Variants in KCNH7 observed in about 807,000 individuals in gnomAD.
KCNH7 encodes potassium voltage-gated channel subfamily H member 7.
Under a neutral mutation model 120.8 loss-of-function variants are expected in KCNH7, and 49 were observed. The ratio of observed to expected loss-of-function variants is 0.41; its 90% CI spans 0.32 to 0.51. The LOEUF (loss-of-function observed/expected upper bound fraction) is 0.51, where lower values mean the gene tolerates loss of function less well. Among genes scored for constraint, KCNH7 ranks in the 20% least tolerant of loss-of-function variants. The pLI is 0.38. For synonymous variants in KCNH7, 547 were observed against 516.1 expected, an observed-to-expected ratio of 1.06 and a Z score of -0.81; for missense variants, 1,097 against 1,446.6, an observed-to-expected ratio of 0.76 and a Z score of 3.92.
chr2:162,605,094 C>G (rs1008119514), intron 2 of KCNH7, among the ~76,000 whole-genome samples: 1 of 151,990 alleles, frequency 6.6e-6, no homozygotes, highest in Non-Finnish European at 1.5e-5. Context: ...TCATTTTTCT[C>G]CCCACTGGAA....
chr2:162,795,974 A>G (rs1263882908), intron 2 of KCNH7: 1 of 152,110 alleles, frequency 6.6e-6, no homozygotes, highest in Non-Finnish European at 1.5e-5. Context: ...ATAAGATGTC[A>G]CCTTAAAATA....
intron 14 of KCNH7, 137 bp from the exon 15 acceptor site, chr2:162,373,799 G>C (rs1218962403): frequency 6.3e-6 from 3 of 476,188 alleles, no homozygotes; most frequent in African/African-American, 2.0e-5. Flanking sequence ...AGGGAGCACA[G>C]AGATTCTTTC....
chr2:162,447,799 C>T (rs186546012), intron 6 of KCNH7, among the ~76,000 whole-genome samples: 23 of 152,130 alleles, frequency 1.5e-4, no homozygotes, highest in African/African-American at 5.3e-4. Context: ...TTTATCCCCA[C>T]ATAATGAGTT....
At chr2:162,816,896 G>A (rs1332122308) in intron 2 of KCNH7, among the ~76,000 whole-genome samples, 2 of 151,994 alleles carry the variant, frequency 1.3e-5, no homozygotes, top group African/African-American at 4.8e-5. Flanking sequence ...CTGCTATAAT[G>A]AAAATTCAAC....
At chr2:162,779,180 T>A (rs1335357803) in intron 2 of KCNH7, among the ~76,000 whole-genome samples, 1 of 80,584 alleles carries the variant, frequency 1.2e-5, no homozygotes, top group Non-Finnish European at 2.3e-5. Flanking sequence ...CCAGTCTTAA[T>A]TTTTTTTGTT....
intron 2 of KCNH7, among the ~76,000 whole-genome samples, chr2:162,620,918 A>C (rs1467442373): frequency 6.6e-6 from 1 of 152,174 alleles, no homozygotes; most frequent in African/African-American, 2.4e-5. Context: ...CATTTGAGAA[A>C]CAGGAATTCT....
At chr2:162,427,431 G>A (rs1178530638) in intron 8 of KCNH7, among the ~76,000 whole-genome samples, 2 of 151,964 alleles carry the variant, frequency 1.3e-5, no homozygotes, top group East Asian at 3.9e-4. Context: ...TATCTCATTA[G>A]AGTTTTAATG....
At position 162,371,447 on chromosome 2, in the gene KCNH7, C is replaced by G; in HGVS notation, c.*382G>C. The G allele has an allele frequency of 7.8e-7, 1 of 1,274,412 alleles. No individual in the cohort carries two copies. Among genetic ancestry groups the G allele is most frequent in the Non-Finnish European group, 1.0e-6 (1 of 981,430 alleles). The allele number at this position is 1,274,412 out of a possible 1,614,324, so 78.9% of individuals were successfully genotyped here. A position where few individuals can be genotyped will look rare whatever the true frequency, so the allele number is the denominator to read the frequency against. On this transcript the variant is annotated 3_prime_UTR_variant, in exon 16 of 16. Transcript: ENST00000332142. Reference sequence around the variant, plus strand: ...TCTGAATTTGAGTTGCATCCATGAACAGTTTTATCCCTTGGTTTCTTATTT... The same window carrying G: ...TCTGAATTTGAGTTGCATCCATGAAGAGTTTTATCCCTTGGTTTCTTATTT...
intron 6 of KCNH7, among the ~76,000 whole-genome samples, chr2:162,483,218 A>G (rs1689986110): frequency 6.6e-6 from 1 of 152,202 alleles, no homozygotes; most frequent in African/African-American, 2.4e-5. Context: ...TATTAAAATA[A>G]TGCATAGAAA....
chr2:162,808,076 G>A (rs1684612508), intron 2 of KCNH7, among the ~76,000 whole-genome samples: 1 of 152,124 alleles, frequency 6.6e-6, no homozygotes, highest in Non-Finnish European at 1.5e-5. Context: ...AAAATCCATG[G>A]ATGCTCAAGT....
In KCNH7 at chr2:162,704,855, G is replaced by A. The variant is rs540596545; in HGVS notation, c.307+131682C>T. ...ATGTTTTTTCCCTGCCTTCTTAATC[G>A]GAAGTAGTTTGAGATAAGGAAGAAG... is the stretch of plus-strand genomic sequence containing the variant. On this transcript the variant is annotated intron_variant, in intron 2 of 15. Transcript: ENST00000332142. Among the ~76,000 whole-genome samples, 8 of 152,196 alleles carry A rather than the reference G, an allele frequency of 5.3e-5. No individual in the cohort carries two copies. In the East Asian group the frequency reaches 5.8e-4, roughly 11 times the overall value.
At chr2:162,722,147 T>G (rs927847589) in intron 2 of KCNH7, among the ~76,000 whole-genome samples, 2 of 151,982 alleles carry the variant, frequency 1.3e-5, no homozygotes, top group Non-Finnish European at 2.9e-5. Flanking sequence ...CACTTTTTAC[T>G]AAACGAACCA....
intron 2 of KCNH7, among the ~76,000 whole-genome samples, chr2:162,557,010 C>G (rs1311469646): frequency 6.6e-6 from 1 of 152,062 alleles, no homozygotes; most frequent in Non-Finnish European, 1.5e-5. Flanking sequence ...GTGTAACAAA[C>G]CACCTCAACA....
intron 2 of KCNH7, among the ~76,000 whole-genome samples, chr2:162,551,680 T>C (rs1056569342): frequency 6.6e-6 from 1 of 152,100 alleles, no homozygotes; most frequent in Non-Finnish European, 1.5e-5. Context: ...AAGCAGAATG[T>C]ATTGCACGTA....
chr2:162,779,488 C>A lies in KCNH7; in HGVS notation c.307+57049G>T, dbSNP rs187774769. Among the ~76,000 whole-genome samples the A allele has an allele frequency of 2.2e-4, 33 of 152,256 alleles. No individual in the cohort carries two copies. The East Asian group carries it at 5.2e-3, about 24-fold the overall frequency. On this transcript the variant is annotated intron_variant, in intron 2 of 15. Transcript: ENST00000332142. ...TGCTGGAATTACAGGCGTGAGCCACCATGTCCAGCCCTTAAAAATTTATAT... is the reference window on the plus strand; with the variant it reads ...TGCTGGAATTACAGGCGTGAGCCACAATGTCCAGCCCTTAAAAATTTATAT...
intron 13 of KCNH7, among the ~76,000 whole-genome samples, chr2:162,382,943 G>A (rs569818997): frequency 3.1e-3 from 467 of 151,990 alleles, no homozygotes; most frequent in African/African-American, 0.011. Flanking sequence ...ATTATTATTT[G>A]AATAGAGATT....
At chr2:162,536,802 G>T in intron 3 of KCNH7, 123 bp downstream of exon 3, 1 of 1,048,058 alleles carries the variant, frequency 9.5e-7, no homozygotes, top group Non-Finnish European at 1.4e-6. Flanking sequence ...GCTTACTCAT[G>T]TCAAATTATT....
chr2:162,394,492 T>C lies in KCNH7; in HGVS notation c.2614-7A>G, dbSNP rs747526229. On this transcript the variant is annotated splice_polypyrimidine_tract_variant and splice_region_variant and intron_variant, in intron 11 of 15. Coordinates refer to ENST00000332142, the MANE Select transcript of KCNH7 (RefSeq NM_033272.4). ...GTGATCGTAGGAGATCAGCCTTTGT[T>C]AATGGAACATGAAGATAAAATGAAA... 24 of 1,491,908 alleles carry C rather than the reference T, an allele frequency of 1.6e-5. 1 individual carries two copies. In the South Asian group the frequency reaches 2.6e-4, roughly 16 times the overall value. The allele number at this position is 1,491,908 out of a possible 1,614,324, so 92.4% of individuals were successfully genotyped here. A position where few individuals can be genotyped will look rare whatever the true frequency, so the allele number is the denominator to read the frequency against.
intron 6 of KCNH7, among the ~76,000 whole-genome samples, chr2:162,499,034 A>T (rs1406237940): frequency 6.6e-6 from 1 of 152,106 alleles, no homozygotes; most frequent in Non-Finnish European, 1.5e-5. Flanking sequence ...GCCAATAAAG[A>T]TTTGAAATCC....
Sources: allele counts gnomAD v4.1 joint callset (sites outside exome capture counted in the v4.1 genomes callset), GRCh38; gene constraint gnomAD v4.1.1; transcripts MANE v1.5; gene names NCBI Gene and HGNC (gene_info 2026-07-23, HGNC 2026-07-21).